The following CNKSR2 variants were observed in gnomAD, a reference collection of about 807,000 sequenced individuals.
CNKSR2 encodes the protein CNK homolog protein 2.
Under a neutral mutation model 84.4 loss-of-function variants are expected in CNKSR2, and 14 were observed. The observed-to-expected ratio is 0.17, with a 90% confidence interval of 0.11 to 0.26. CNKSR2 has a LOEUF of 0.26. CNKSR2 is among the 10% of genes least tolerant of loss of function. The probability of loss-of-function intolerance (pLI) is 1.00; values close to 1 mark genes in which losing one functional copy is unlikely to be tolerated. For missense variants in CNKSR2, 485 were observed against 771.2 expected, an observed-to-expected ratio of 0.63 and a Z score of 4.40; for synonymous variants, 275 against 277.9, an observed-to-expected ratio of 0.99 and a Z score of 0.10.
intron 5 of CNKSR2, among the ~76,000 whole-genome samples, chrX:21,471,223 A>G (rs980940971): frequency 8.9e-5 from 10 of 112,088 alleles, no homozygotes; most frequent in African/African-American, 3.2e-4. Context: ...CTCCAATTCT[A>G]TACCTACGAG....
Position 21,603,850 on chromosome X carries a change from CT to C in CNKSR2, c.2044+2511del, listed in dbSNP as rs376665537. On this transcript the variant is annotated intron_variant, in intron 18 of 21. Transcript: ENST00000379510. ...CTTCGACAGTTCTAAATGAAAAAGT[CT>C]TTTTTTTTTCAAATTATCCTTTTGT... is the stretch of plus-strand genomic sequence containing the variant. Among the ~76,000 whole-genome samples, 14 of 105,965 alleles carry C rather than the reference CT, an allele frequency of 1.3e-4. No individual in the cohort carries two copies. In the East Asian group the frequency reaches 1.5e-3, roughly 11 times the overall value. 92.0% of individuals were successfully genotyped at this position (105,965 alleles called of 115,157 possible).
intron 11 of CNKSR2, among the ~76,000 whole-genome samples, chrX:21,556,540 C>CA (rs1420879933): frequency 1.8e-5 from 2 of 110,767 alleles, no homozygotes; most frequent in Non-Finnish European, 3.8e-5. Flanking sequence ...AATCAGAAGA[C>CA]AGAGTCTTAG....
At position 21,445,693 on chromosome X, in the gene CNKSR2, T is replaced by A. The variant is rs755006181; in HGVS notation, c.519+4912T>A. On this transcript the variant is annotated intron_variant, in intron 4 of 21. Transcript: ENST00000379510. ...TAGCTTTCGCATATGAGTGAAAACATGTAATATTTATCTTTCTGTGCTTGA... is the reference window on the plus strand; with the variant it reads ...TAGCTTTCGCATATGAGTGAAAACAAGTAATATTTATCTTTCTGTGCTTGA... 2.7e-5 allele frequency among the ~76,000 whole-genome samples: 3 copies of A among 112,132 alleles called. No homozygotes were observed. The South Asian group carries it at 1.1e-3, about 41-fold the overall frequency.
chrX:21,513,846 T>G (rs2091699820), intron 8 of CNKSR2, among the ~76,000 whole-genome samples: 1 of 112,095 alleles, frequency 8.9e-6, no homozygotes, highest in African/African-American at 3.2e-5. Context: ...TAACAAACAG[T>G]CCTGATTAGG....
intron 1 of CNKSR2, among the ~76,000 whole-genome samples, chrX:21,379,523 G>A (rs1030583680): frequency 1.8e-5 from 2 of 111,864 alleles, no homozygotes; most frequent in Non-Finnish European, 3.8e-5. Flanking sequence ...GTAGAATTTC[G>A]TTCAGAAGAA....
At chrX:21,475,681 C>A (rs751982341) in intron 5 of CNKSR2, among the ~76,000 whole-genome samples, 161 of 110,972 alleles carry the variant, frequency 1.5e-3, no homozygotes, top group Non-Finnish European at 2.7e-3. Context: ...ACCCCTAAAT[C>A]TTTATTTTGT....
intron 1 of CNKSR2, among the ~76,000 whole-genome samples, chrX:21,415,988 A>G (rs1214273681): frequency 9.1e-6 from 1 of 110,211 alleles, no homozygotes; most frequent in African/African-American, 3.3e-5. Context: ...GTTGAATAAC[A>G]GTGGTGGCAG....
At chrX:21,413,255 G>A (rs922177169) in intron 1 of CNKSR2, among the ~76,000 whole-genome samples, 4 of 110,745 alleles carry the variant, frequency 3.6e-5, no homozygotes, top group African/African-American at 1.3e-4. Flanking sequence ...TTCTTTTTAA[G>A]GCTGAATAAA....
At chrX:21,403,012 A>T (rs1403926866) in intron 1 of CNKSR2, among the ~76,000 whole-genome samples, 5 of 111,223 alleles carry the variant, frequency 4.5e-5, no homozygotes, top group African/African-American at 1.3e-4. Flanking sequence ...ATTTGGAAAG[A>T]GAGACAGTTA....
At chrX:21,545,476 G>A (rs1233077087) in intron 11 of CNKSR2, among the ~76,000 whole-genome samples, 1 of 112,175 alleles carries the variant, frequency 8.9e-6, no homozygotes, top group Non-Finnish European at 1.9e-5. Flanking sequence ...GGGGGAAGGG[G>A]TGGCTGTGGG....
chrX:21,638,572 T>G (rs985481158), intron 20 of CNKSR2, among the ~76,000 whole-genome samples: 2 of 111,774 alleles, frequency 1.8e-5, no homozygotes, highest in Non-Finnish European at 3.8e-5. Flanking sequence ...ATCTGTTTCT[T>G]CTTAACCTAA....
chrX:21,582,660 G>T (rs913886502), intron 13 of CNKSR2, among the ~76,000 whole-genome samples: 2 of 111,730 alleles, frequency 1.8e-5, no homozygotes, highest in Non-Finnish European at 3.8e-5. Context: ...GTATTATAAG[G>T]ATTAAAATGG....
intron 13 of CNKSR2, among the ~76,000 whole-genome samples, chrX:21,570,888 CT>C (rs1165215615): frequency 8.9e-6 from 1 of 112,313 alleles, no homozygotes; most frequent in Non-Finnish European, 1.9e-5. Flanking sequence ...AACTTTGCTT[CT>C]GCAGCTTCCT....
At chrX:21,515,832 G>A (rs558646244) in intron 8 of CNKSR2, among the ~76,000 whole-genome samples, 5 of 111,681 alleles carry the variant, frequency 4.5e-5, no homozygotes, top group African/African-American at 6.5e-5. Flanking sequence ...AATTTAGCAC[G>A]TTATATTTTA....
intron 11 of CNKSR2, among the ~76,000 whole-genome samples, chrX:21,536,541 A>G (rs1173212456): frequency 1.8e-5 from 2 of 110,966 alleles, no homozygotes; most frequent in African/African-American, 6.5e-5. Context: ...TACTGATTCA[A>G]TCTCATTACT....
intron 1 of CNKSR2, among the ~76,000 whole-genome samples, chrX:21,417,130 T>C (rs1456802104): frequency 8.9e-6 from 1 of 112,079 alleles, no homozygotes; most frequent in Non-Finnish European, 1.9e-5. Context: ...TATCATTTGT[T>C]TCAAGAAAGT....
chrX:21,621,292 T>A (rs1442881440), intron 20 of CNKSR2, among the ~76,000 whole-genome samples: 1 of 111,804 alleles, frequency 8.9e-6, no homozygotes, highest in Non-Finnish European at 1.9e-5. Context: ...GCTCATATAA[T>A]GCTTTAATGT....
chrX:21,544,759 C>T (rs2092007231), intron 11 of CNKSR2, among the ~76,000 whole-genome samples: 1 of 110,847 alleles, frequency 9.0e-6, no homozygotes, highest in African/African-American at 3.3e-5. Flanking sequence ...CAGGGTGGGG[C>T]GTCGCCTCAC....
chrX:21,456,981 T>C (rs2091003066), intron 4 of CNKSR2, among the ~76,000 whole-genome samples: 1 of 111,814 alleles, frequency 8.9e-6, no homozygotes, highest in Admixed American at 9.5e-5. Context: ...TTGAACATTT[T>C]TTCATATACC....
Sources: gnomAD v4.1 joint callset for allele counts (sites outside exome capture counted in the v4.1 genomes callset) on GRCh38, gnomAD v4.1.1 for gene constraint, MANE v1.5 for transcripts, NCBI Gene and HGNC (gene_info 2026-07-23, HGNC 2026-07-21) for gene names.